The following KMT2C variants were observed in gnomAD, a reference collection of about 807,000 sequenced individuals.
KMT2C encodes histone-lysine N-methyltransferase 2C.
KMT2C carries 88 observed loss-of-function variants against 507.9 expected under a neutral mutation model. The observed-to-expected ratio is 0.17, with a 90% confidence interval of 0.15 to 0.21. KMT2C has a LOEUF of 0.21. Among genes scored for constraint, KMT2C ranks in the 10% least tolerant of loss-of-function variants. KMT2C has a pLI of 1.00. For synonymous variants in KMT2C, 2,049 were observed against 2,080.8 expected (o/e 0.98, Z 0.42); for missense variants, 4,954 against 5,957.8 (o/e 0.83, Z 5.55).
At chr7:152,351,053 T>C (rs2097106847) in intron 2 of KMT2C, among the ~76,000 whole-genome samples, 1 of 152,202 alleles carries the variant, frequency 6.6e-6, no homozygotes, top group South Asian at 2.1e-4. Flanking sequence ...TTTGCCCTGC[T>C]GGAAGGTCTT....
Position 152,220,696 on chromosome 7 carries a change from G to A in KMT2C, c.3539C>T (p.Thr1180Ile), listed in dbSNP as rs2129145727. The A allele has an allele frequency of 6.2e-7, 1 of 1,611,366 alleles. No individual in the cohort carries two copies. The highest frequency in any genetic ancestry group is 8.5e-7 in the Non-Finnish European group (1 of 1,179,362). The change falls in exon 23 of 59, where the codon ACT becomes ATT. Residue 1180 changes from threonine (T) to isoleucine (I), a missense_variant. Thr to Ile is a moderately conservative substitution (Grantham distance 89). This residue lies in a region of KMT2C where 176 missense variants were observed against 262.0 expected (regional missense o/e 0.67). Transcript: ENST00000262189. ...CTGTAACTGAGTCATCCCTGATTCA[G>A]TCAAACACACACCATCCTGGGTATA... ...KTYTQDGVCL[T>I]ESGMTQLQSL...
At chr7:152,187,909 A>T (rs1217696767) in intron 31 of KMT2C, 62 bp from the exon 32 acceptor site, 1 of 1,545,432 alleles carries the variant, frequency 6.5e-7, no homozygotes, top group Non-Finnish European at 8.9e-7. Flanking sequence ...GTTGAAGTAA[A>T]GCTGGCCCTT....
chr7:152,201,155 C>T (rs114037514), intron 26 of KMT2C, among the ~76,000 whole-genome samples: 1 of 152,102 alleles, frequency 6.6e-6, no homozygotes, highest in Non-Finnish European at 1.5e-5. Flanking sequence ...TTATCAAAAA[C>T]TGTGTCACCC....
At chr7:152,268,194 G>A (rs7786988) in intron 7 of KMT2C, among the ~76,000 whole-genome samples, 7 of 152,234 alleles carry the variant, frequency 4.6e-5, no homozygotes, top group Non-Finnish European at 7.3e-5. Flanking sequence ...CAGGAGAATC[G>A]CTTGAACTCG....
At chr7:152,247,377 A>G (rs1297486591) in intron 14 of KMT2C, among the ~76,000 whole-genome samples, 2 of 152,214 alleles carry the variant, frequency 1.3e-5, no homozygotes, top group Non-Finnish European at 2.9e-5. Context: ...AACTACTGAA[A>G]TAAGTCCTAC....
chr7:152,385,705 A>AT lies in KMT2C; in HGVS notation c.162-27031dup, dbSNP rs143640145. Among the ~76,000 whole-genome samples, 342 of 142,850 alleles carry AT rather than the reference A, an allele frequency of 2.4e-3. 5 individuals carry two copies. The highest frequency in any genetic ancestry group is 7.2e-3 in the African/African-American group (273 of 37,998). 93.7% of individuals were successfully genotyped at this position (142,850 alleles called of 152,430 possible). On this transcript the variant is annotated intron_variant, in intron 1 of 58. Transcript: ENST00000262189. The stretch of plus-strand genomic sequence containing the variant: ...GATGATATTATGGATTTAACTGTCA[A>AT]TTTTTTTTTAAGTATGATGGTGGTA...
chr7:152,179,503 A>G (rs2093351365), intron 37 of KMT2C, among the ~76,000 whole-genome samples: 1 of 152,230 alleles, frequency 6.6e-6, no homozygotes, highest in South Asian at 2.1e-4. Flanking sequence ...GAGTTCTTAG[A>G]GGAAAAAAAT....
intron 6 of KMT2C, among the ~76,000 whole-genome samples, chr7:152,279,043 T>C (rs931931322): frequency 6.6e-6 from 1 of 151,824 alleles, no homozygotes; most frequent in Admixed American, 6.6e-5. Context: ...CAAAAAAAAA[T>C]CCACATGTAT....
intron 14 of KMT2C, among the ~76,000 whole-genome samples, chr7:152,241,048 C>CT (rs2095373263): frequency 6.6e-6 from 1 of 152,208 alleles, no homozygotes; most frequent in South Asian, 2.1e-4. Flanking sequence ...TCCAACTAAC[C>CT]TTGTGGCATT....
At chr7:152,339,681 T>C (rs1048178134) in intron 2 of KMT2C, among the ~76,000 whole-genome samples, 3 of 152,202 alleles carry the variant, frequency 2.0e-5, no homozygotes, top group Non-Finnish European at 4.4e-5. Context: ...CTGTTCTGTA[T>C]GTGCCATTCA....
At chr7:152,196,106 G>GC in intron 27 of KMT2C, 95 bp from the exon 28 acceptor site, 1 of 522,312 alleles carries the variant, frequency 1.9e-6, no homozygotes, top group Non-Finnish European at 3.3e-6. Context: ...ACTGAGTGAG[G>GC]CAAGTACTGG....
intron 9 of KMT2C, among the ~76,000 whole-genome samples, chr7:152,253,429 C>G (rs2095593408): frequency 7.5e-6 from 1 of 134,218 alleles, no homozygotes; most frequent in Non-Finnish European, 1.5e-5. Context: ...AATCCCAGCA[C>G]TTTGGGAGGC....
rs115796018 is a variant in KMT2C, at chr7:152,423,767, G to A, written c.161+11859C>T. Reference sequence around the variant, plus strand: ...CCTTACTGATATACCCGGCTGTTAAGAATTGGCCCAGAAATAGAAATCAGT... The same window carrying A: ...CCTTACTGATATACCCGGCTGTTAAAAATTGGCCCAGAAATAGAAATCAGT... On this transcript the variant is annotated intron_variant, in intron 1 of 58. Coordinates refer to ENST00000262189, the MANE Select transcript of KMT2C (RefSeq NM_170606.3). 9.5e-3 allele frequency among the ~76,000 whole-genome samples: 1,452 copies of A among 152,264 alleles called. 31 individuals are homozygous for A. Among genetic ancestry groups the A allele is most frequent in the African/African-American group, 0.033 (1,366 of 41,544 alleles).
intron 2 of KMT2C, among the ~76,000 whole-genome samples, chr7:152,342,486 C>T (rs761135934): frequency 6.6e-6 from 1 of 152,062 alleles, no homozygotes; most frequent in Non-Finnish European, 1.5e-5. Context: ...ACTGAAAAAT[C>T]AACAACTCTT....
At chr7:152,431,372 G>A (rs560831740) in intron 1 of KMT2C, among the ~76,000 whole-genome samples, 1 of 152,164 alleles carries the variant, frequency 6.6e-6, no homozygotes, top group Admixed American at 6.5e-5. Flanking sequence ...GCCCAGGCAG[G>A]CAGATCATGA....
chr7:152,247,691 A>G (rs2095496568), intron 14 of KMT2C, among the ~76,000 whole-genome samples: 1 of 152,300 alleles, frequency 6.6e-6, no homozygotes, highest in African/African-American at 2.4e-5. Context: ...CTGAGTTGAA[A>G]TTCCAAATAA....
intron 3 of KMT2C, among the ~76,000 whole-genome samples, chr7:152,320,209 A>G (rs1035601137): frequency 6.6e-6 from 1 of 152,014 alleles, no homozygotes; most frequent in Non-Finnish European, 1.5e-5. Flanking sequence ...CCAAAATCCA[A>G]AAAAAATCCA....
rs529186142 is a variant in KMT2C, at chr7:152,364,373, T to C, written c.162-5698A>G. On this transcript the variant is annotated intron_variant, in intron 1 of 58. Coordinates refer to ENST00000262189, the MANE Select transcript of KMT2C (RefSeq NM_170606.3). ...CTCTAATCCCAGCACTTTGGGAGGC[T>C]GAGGCGGGCAGATCACAAGGTCAGG... 3.3e-5 allele frequency among the ~76,000 whole-genome samples: 5 copies of C among 152,226 alleles called. No homozygotes were observed. In the East Asian group the frequency reaches 7.7e-4, roughly 24 times the overall value.
chr7:152,271,589 G>T (rs923684745), intron 7 of KMT2C, among the ~76,000 whole-genome samples: 3 of 147,870 alleles, frequency 2.0e-5, no homozygotes, highest in African/African-American at 5.0e-5. Flanking sequence ...AGGAGAAATC[G>T]CATGAACCTG....
Sources: gnomAD v4.1 joint callset for allele counts (sites outside exome capture counted in the v4.1 genomes callset) on GRCh38, gnomAD v4.1.1 for gene constraint, gnomAD v4.1.1 regional missense constraint, MANE v1.5 for transcripts, NCBI Gene and HGNC (gene_info 2026-07-23, HGNC 2026-07-21) for gene names.